ESRRG: variants seen among roughly 807,000 people sequenced by gnomAD.
The protein encoded by ESRRG is estrogen related receptor gamma.
ESRRG carries 13 observed loss-of-function variants against 44.0 expected under a neutral mutation model. That is an observed-to-expected ratio of 0.30 (90% CI 0.19 to 0.47). The LOEUF (loss-of-function observed/expected upper bound fraction) is 0.47, where lower values mean the gene tolerates loss of function less well. Among genes scored for constraint, ESRRG ranks in the 20% least tolerant of loss-of-function variants. The pLI, the probability that ESRRG is intolerant of heterozygous loss-of-function variation, is 1.00. For missense variants in ESRRG, 395 were observed against 580.6 expected (o/e 0.68, Z 3.29); for synonymous variants, 215 against 214.6 (o/e 1.00, Z -0.02).
chr1:216,765,905 G>A (rs2093049818), intron 2 of ESRRG, among the ~76,000 whole-genome samples: 1 of 152,102 alleles, frequency 6.6e-6, no homozygotes, highest in Non-Finnish European at 1.5e-5. Context: ...ACTCACAAAT[G>A]GAGTATTACG....
chr1:217,079,819 A>G (rs1157318106), intron 1 of ESRRG, among the ~76,000 whole-genome samples: 1 of 152,200 alleles, frequency 6.6e-6, no homozygotes, highest in Non-Finnish European at 1.5e-5. Context: ...GCACAAAGTC[A>G]ATTAAGACAT....
chr1:216,655,573 T>A (rs890630710), intron 2 of ESRRG, among the ~76,000 whole-genome samples: 4 of 152,200 alleles, frequency 2.6e-5, no homozygotes, highest in African/African-American at 9.7e-5. Flanking sequence ...GGTCCTAGCA[T>A]CTTCACAAAT....
chr1:217,108,742 C>A (rs555605736), intron 1 of ESRRG, among the ~76,000 whole-genome samples: 2 of 152,146 alleles, frequency 1.3e-5, no homozygotes, highest in African/African-American at 4.8e-5. Context: ...TGAGACCTCC[C>A]CAGAAGCCAA....
chr1:216,911,967 C>A (rs1386393104), intron 2 of ESRRG, among the ~76,000 whole-genome samples: 1 of 151,268 alleles, frequency 6.6e-6, no homozygotes, highest in Non-Finnish European at 1.5e-5. Flanking sequence ...CCCAGCTACT[C>A]AGGAGGCTGA....
At chr1:216,516,668 C>CACACACACACACACACACACACACAG (rs376701865) in intron 6 of ESRRG, among the ~76,000 whole-genome samples, 15 of 137,244 alleles carry the variant, frequency 1.1e-4, no homozygotes, top group South Asian at 6.9e-4. Context: ...CACACACACA[C>CACACACACACACACACACACACACAG]AGAGAGAGAG....
chr1:217,005,995 C>G (rs2077689129), intron 1 of ESRRG, among the ~76,000 whole-genome samples: 1 of 152,082 alleles, frequency 6.6e-6, no homozygotes, highest in Non-Finnish European at 1.5e-5. Context: ...TTGGTTCACT[C>G]TTGAAACCTA....
chr1:216,865,353 T>A (rs1361001429), intron 2 of ESRRG, among the ~76,000 whole-genome samples: 1 of 152,040 alleles, frequency 6.6e-6, no homozygotes, highest in Non-Finnish European at 1.5e-5. Context: ...TTGAGACTCA[T>A]ATGTTATTTT....
intron 2 of ESRRG, among the ~76,000 whole-genome samples, chr1:216,907,203 T>C (rs1306850463): frequency 1.3e-5 from 2 of 152,068 alleles, no homozygotes. Flanking sequence ...AAATACAGCA[T>C]CTCTGCACCT....
intron 2 of ESRRG, among the ~76,000 whole-genome samples, chr1:216,830,224 G>A (rs17650566): frequency 0.03 from 4,586 of 152,226 alleles, 86 homozygotes; most frequent in Middle Eastern, 0.058. Context: ...CCTCCACATC[G>A]GTGACAAATA....
At chr1:216,625,450 A>G (rs2063035118) in intron 3 of ESRRG, among the ~76,000 whole-genome samples, 1 of 144,094 alleles carries the variant, frequency 6.9e-6, no homozygotes, top group African/African-American at 2.5e-5. Flanking sequence ...ATCTATATTA[A>G]CACTTGTTCT....
chr1:216,953,284 C>G lies in ESRRG; in HGVS notation c.-105-13611G>C, dbSNP rs11572469. ...CCATTAGGGACCAATTTCGAGTATT[C>G]TCTGCAAGACAATGATTTTCCAACT... On this transcript the variant is annotated intron_variant, in intron 1 of 7. Coordinates refer to the ESRRG transcript ENST00000359162. 9.4e-3 allele frequency among the ~76,000 whole-genome samples: 1,430 copies of G among 152,246 alleles called. 25 individuals are homozygous for G. The highest frequency in any genetic ancestry group is 0.031 in the African/African-American group (1,301 of 41,548).
At chr1:216,532,138 A>G (rs2049555570) in intron 5 of ESRRG, among the ~76,000 whole-genome samples, 1 of 152,060 alleles carries the variant, frequency 6.6e-6, no homozygotes. Context: ...GAGGAAAAAA[A>G]AAAAAAGCTG....
intron 3 of ESRRG, among the ~76,000 whole-genome samples, chr1:216,647,954 C>A (rs1047663022): frequency 6.6e-6 from 1 of 152,130 alleles, no homozygotes; most frequent in African/African-American, 2.4e-5. Context: ...TGTCAATTTC[C>A]AGACCTGCTG....
chr1:217,025,614 C>A (rs1421907402), intron 1 of ESRRG, among the ~76,000 whole-genome samples: 1 of 152,132 alleles, frequency 6.6e-6, no homozygotes, highest in Non-Finnish European at 1.5e-5. Flanking sequence ...AAGCTGTTTG[C>A]CAGAAAAAAA....
At chr1:216,935,387 C>T (rs2063963754) in intron 2 of ESRRG, among the ~76,000 whole-genome samples, 1 of 152,138 alleles carries the variant, frequency 6.6e-6, no homozygotes, top group African/African-American at 2.4e-5. Flanking sequence ...GCTAGAGCAG[C>T]TCATAAAACT....
At chr1:216,839,510 C>CT (rs1221598901) in intron 2 of ESRRG, among the ~76,000 whole-genome samples, 3 of 152,188 alleles carry the variant, frequency 2.0e-5, no homozygotes, top group African/African-American at 7.2e-5. Context: ...TTTCAATGTA[C>CT]TTTACCCAAA....
At chr1:217,134,283 C>T (rs1241350284) in intron 1 of ESRRG, among the ~76,000 whole-genome samples, 2 of 152,128 alleles carry the variant, frequency 1.3e-5, no homozygotes, top group African/African-American at 4.8e-5. Context: ...GATCTTCTCT[C>T]CCTGCTAATC....
intron 5 of ESRRG, among the ~76,000 whole-genome samples, chr1:216,560,833 G>A (rs1292180010): frequency 2.6e-5 from 4 of 152,264 alleles, no homozygotes; most frequent in South Asian, 2.1e-4. Flanking sequence ...TTATCCGAGC[G>A]CGGACGAAAT....
At chr1:216,827,113 G>A (rs1189237797) in intron 2 of ESRRG, among the ~76,000 whole-genome samples, 1 of 152,024 alleles carries the variant, frequency 6.6e-6, no homozygotes, top group Non-Finnish European at 1.5e-5. Context: ...TGTTAACAGT[G>A]GCTTTCTGTA....
Sources: gnomAD v4.1 joint callset for allele counts (sites outside exome capture counted in the v4.1 genomes callset) on GRCh38, gnomAD v4.1.1 for gene constraint, MANE v1.5 for transcripts, NCBI Gene and HGNC (gene_info 2026-07-23, HGNC 2026-07-21) for gene names.